Variants in KDELR1 observed in about 807,000 individuals in gnomAD.
KDELR1 encodes KDEL endoplasmic reticulum protein retention receptor 1.
A neutral mutation model predicts 25.5 loss-of-function variants in KDELR1; 16 were observed. The ratio of observed to expected loss-of-function variants is 0.63; its 90% confidence interval spans 0.43 to 0.95. The LOEUF (loss-of-function observed/expected upper bound fraction) is 0.95, where lower values mean the gene tolerates loss of function less well. KDELR1 is among the 40% of genes least tolerant of loss of function. The pLI, the probability that KDELR1 is intolerant of heterozygous loss-of-function variation, is 0.00. For missense variants in KDELR1, 159 were observed against 265.2 expected (o/e 0.60, Z 2.78); for synonymous variants, 121 against 115.0 (o/e 1.05, Z -0.33).
At chr19:48,385,930 G>A (rs544345276) in intron 3 of KDELR1, among the ~76,000 whole-genome samples, 37 of 152,224 alleles carry the variant, frequency 2.4e-4, no homozygotes, top group African/African-American at 8.2e-4. Flanking sequence ...ACTGAAGCAC[G>A]TAGAGTCCAG....
chr19:48,391,171 G>C (rs1970546387), intron 1 of KDELR1, 97 bp downstream of exon 1: 2 of 1,022,620 alleles, frequency 2.0e-6, no homozygotes, highest in African/African-American at 3.2e-5. Context: ...GGTGGAACCT[G>C]TGCCCCTAGT....
upstream of KDELR1, among the ~76,000 whole-genome samples, chr19:48,394,316 A>T (rs952955602): frequency 1.6e-4 from 24 of 150,620 alleles, no homozygotes; most frequent in African/African-American, 5.9e-4. The surrounding 1 kb of genome is among the most constrained non-coding windows in gnomAD (Gnocchi z 5.1). Flanking sequence ...GGGGGAGTCA[A>T]GGGGGGGTCT....
chr19:48,384,318 G>C lies in KDELR1; in HGVS notation c.516C>G (p.Phe172Leu). 1 of 1,614,216 alleles carries C rather than the reference G, an allele frequency of 6.2e-7. No individual in the cohort carries two copies. Residue 172 changes from phenylalanine to leucine, a missense_variant, in exon 4 of 5, where the codon TTC (phenylalanine) becomes TTG (leucine). Transcript: ENST00000330720. This position sits in a 1 kb window ranked among gnomAD's most constrained non-coding sequence, Gnocchi z 4.6. The part of the protein sequence containing the change: ...YLFNWIWRYH[F>L]EGFFDLIAIV... ...TGGCGATGAGGTCGAAGAAGCCCTC[G>C]AAATGGTAGCGCCAGATCCAGTTGA...
intron 3 of KDELR1, among the ~76,000 whole-genome samples, chr19:48,389,272 G>GA (rs1423647495): frequency 2.0e-5 from 3 of 151,906 alleles, no homozygotes; most frequent in Non-Finnish European, 4.4e-5. Flanking sequence ...TTTGTCTCCA[G>GA]AAAAAAAAGA....
intron 2 of KDELR1, 36 bp downstream of exon 2, chr19:48,390,388 T>A (rs766871473): frequency 6.7e-7 from 1 of 1,493,588 alleles, no homozygotes; most frequent in Non-Finnish European, 9.3e-7. Context: ...CTCCTCTGCC[T>A]CAGTGGGGGC....
chr19:48,389,963 C>G (rs1194715541), intron 2 of KDELR1, among the ~76,000 whole-genome samples: 2 of 125,042 alleles, frequency 1.6e-5, no homozygotes, highest in Non-Finnish European at 3.4e-5. Context: ...GGAGTCCAGG[C>G]CCCCAACCCC....
At chr19:48,394,882 G>C (rs929652688), upstream of KDELR1, 2 of 153,120 alleles carry the variant, frequency 1.3e-5, no homozygotes, top group African/African-American at 4.8e-5. This position sits in a 1 kb window ranked among gnomAD's most constrained non-coding sequence, Gnocchi z 5.1. Context: ...GCTGGACGCC[G>C]GGTTCCGGTC....
At chr19:48,388,057 C>T (rs1970510175) in intron 3 of KDELR1, among the ~76,000 whole-genome samples, 1 of 152,226 alleles carries the variant, frequency 6.6e-6, no homozygotes, top group Admixed American at 6.5e-5. Flanking sequence ...TTGATTGACA[C>T]AGCACTTCCT....
In KDELR1 at chr19:48,389,610, C is replaced by T. The variant is rs1376801977; in HGVS notation, c.294G>A (p.Leu98=). ...ACGCCAGAATGGCTGTGGGAACGACCAGGAACTCCACTCTGAACGTGTCAT... is the reference window on the plus strand; with the variant it reads ...ACGCCAGAATGGCTGTGGGAACGACTAGGAACTCCACTCTGAACGTGTCAT... ...GNHDTFRVEF[L]VVPTAILAFL... is the part of the protein sequence containing the mutation. Residue 98 remains leucine (L), a synonymous_variant, in exon 3 of 5, where the codon CTG becomes CTA. Coordinates refer to ENST00000330720, the MANE Select transcript of KDELR1 (RefSeq NM_006801.3). 3 of 1,614,026 alleles carry T rather than the reference C, an allele frequency of 1.9e-6. No homozygotes were observed. The South Asian group carries it at 3.3e-5, about 18-fold the overall frequency.
chr19:48,393,590 G>A (rs1970589044), upstream of KDELR1, among the ~76,000 whole-genome samples: 1 of 152,260 alleles, frequency 6.6e-6, no homozygotes, highest in Non-Finnish European at 1.5e-5. The surrounding 1 kb of genome is among the most constrained non-coding windows in gnomAD (Gnocchi z 5.6). Context: ...CCTGGCAGGA[G>A]AAGGGGTCCC....
chr19:48,395,535 GC>G (rs1369451625), upstream of KDELR1, among the ~76,000 whole-genome samples: 3 of 152,022 alleles, frequency 2.0e-5, no homozygotes, highest in Admixed American at 6.6e-5. Context: ...GAAACGGGAT[GC>G]CGTCTGCAGC....
At chr19:48,389,521 C>T in intron 3 of KDELR1, 32 bp downstream of exon 3, 2 of 1,612,908 alleles carry the variant, frequency 1.2e-6, no homozygotes, top group South Asian at 1.1e-5. Flanking sequence ...ACAACCATCC[C>T]CCCAAATAAG....
At chr19:48,389,782 T>C (rs1970526424) in intron 2 of KDELR1, 71 bp from the exon 3 acceptor site, 1 of 1,535,636 alleles carries the variant, frequency 6.5e-7, no homozygotes, top group African/African-American at 1.4e-5. Context: ...GAGCCCGGAG[T>C]CCAGGCCCCT....
intron 3 of KDELR1, among the ~76,000 whole-genome samples, chr19:48,388,971 T>C (rs927655570): frequency 3.3e-5 from 5 of 151,556 alleles, no homozygotes; most frequent in Non-Finnish European, 7.4e-5. Context: ...GATTTGGAAT[T>C]CAAATTCAAG....
chr19:48,388,880 G>A (rs566114107), intron 3 of KDELR1, among the ~76,000 whole-genome samples: 45 of 141,276 alleles, frequency 3.2e-4, no homozygotes, highest in Non-Finnish European at 6.0e-4. Context: ...AGGAAGGAAG[G>A]AAGAAAGAAA....
the KDELR1 span, among the ~76,000 whole-genome samples, chr19:48,396,621 G>A: frequency 3.9e-5 from 6 of 151,974 alleles, no homozygotes; most frequent in Non-Finnish European, 4.4e-5. Context: ...AAGGAGGAGC[G>A]AAGAGAAGCC....
At chr19:48,386,969 G>A (rs149124516) in intron 3 of KDELR1, among the ~76,000 whole-genome samples, 4,505 of 151,298 alleles carry the variant, frequency 0.03, 93 homozygotes, top group Middle Eastern at 0.058. Context: ...TACTCGGGAC[G>A]CTGAGGCACG....
chr19:48,388,216 T>C (rs117029871), intron 3 of KDELR1, among the ~76,000 whole-genome samples: 97 of 152,296 alleles, frequency 6.4e-4, no homozygotes, highest in Middle Eastern at 3.4e-3. Flanking sequence ...TGCTACATGG[T>C]AGAGGCAGGG....
At chr19:48,394,638 G>A (rs1412376846), upstream of KDELR1, among the ~76,000 whole-genome samples, 1 of 152,164 alleles carries the variant, frequency 6.6e-6, no homozygotes, top group African/African-American at 2.4e-5. This position sits in a 1 kb window ranked among gnomAD's most constrained non-coding sequence, Gnocchi z 5.1. Context: ...CCTCTGCAAT[G>A]TCCGGGGCCC....
Sources: gnomAD v4.1 joint callset for allele counts (sites outside exome capture counted in the v4.1 genomes callset) on GRCh38, gnomAD v4.1.1 for gene constraint, Gnocchi (gnomAD v3.1) non-coding constraint, MANE v1.5 for transcripts, NCBI Gene and HGNC (gene_info 2026-07-23, HGNC 2026-07-21) for gene names.